Variants in RAB11FIP3 observed in about 807,000 individuals in gnomAD.
RAB11FIP3 encodes the protein RAB11 family interacting protein 3.
RAB11FIP3 carries 17 observed loss-of-function variants against 77.8 expected under a neutral mutation model. The ratio of observed to expected loss-of-function variants is 0.22; its 90% CI spans 0.15 to 0.33. The LOEUF is 0.33. RAB11FIP3 is among the 10% of genes least tolerant of loss of function. The probability of loss-of-function intolerance (pLI) is 1.00; values close to 1 mark genes in which losing one functional copy is unlikely to be tolerated. For synonymous variants in RAB11FIP3, 437 were observed against 448.2 expected, an observed-to-expected ratio of 0.98 and a Z score of 0.31; for missense variants, 1,005 against 1,011.2, an observed-to-expected ratio of 0.99 and a Z score of 0.08.
At chr16:492,440 GGCCGCCCAGGGC>G (rs1282098824) in intron 5 of RAB11FIP3, among the ~76,000 whole-genome samples, 17 of 142,516 alleles carry the variant, frequency 1.2e-4, no homozygotes, top group African/African-American at 4.4e-4. Context: ...GGAGACCCGA[GGCCGCCCAGGGC>G]CCTTCCCGGG....
intron 6 of RAB11FIP3, among the ~76,000 whole-genome samples, chr16:499,199 C>G (rs564379104): frequency 6.6e-6 from 1 of 152,078 alleles, no homozygotes; most frequent in Non-Finnish European, 1.5e-5. Context: ...GCAACAAGAG[C>G]GAGACTCCAT....
intron 1 of RAB11FIP3, chr16:439,497 C>CT (rs1289576236): frequency 6.6e-6 from 1 of 152,222 alleles, no homozygotes; most frequent in African/African-American, 2.4e-5. Flanking sequence ...AGCCAGTGTC[C>CT]TGTGTGTGCC....
At chr16:477,745 A>G (rs2055948065) in intron 3 of RAB11FIP3, 1 of 863,288 alleles carries the variant, frequency 1.2e-6, no homozygotes, top group South Asian at 5.3e-5. Flanking sequence ...CTTAGTTTTT[A>G]TGAATTACTT....
intron 3 of RAB11FIP3, among the ~76,000 whole-genome samples, chr16:473,531 G>A (rs1449933444): frequency 6.6e-6 from 1 of 152,104 alleles, no homozygotes; most frequent in Admixed American, 6.6e-5. Context: ...CGCCTCCTGC[G>A]CTCAAGTGTT....
At chr16:508,747 C>T (rs1022042105) in intron 8 of RAB11FIP3, among the ~76,000 whole-genome samples, 4 of 152,200 alleles carry the variant, frequency 2.6e-5, no homozygotes, top group African/African-American at 7.2e-5. Context: ...TTTCACCATG[C>T]GGCCTCTCCC....
At chr16:443,723 G>A (rs1220838148) in intron 1 of RAB11FIP3, among the ~76,000 whole-genome samples, 6 of 152,068 alleles carry the variant, frequency 3.9e-5, no homozygotes, top group Non-Finnish European at 7.4e-5. Flanking sequence ...CCGCTACCAC[G>A]CCCGGCTAAT....
chr16:492,390 C>G (rs527661024), intron 5 of RAB11FIP3, among the ~76,000 whole-genome samples: 4 of 137,350 alleles, frequency 2.9e-5, no homozygotes, highest in African/African-American at 1.2e-4. Context: ...CCGCCCAGAG[C>G]CCTCCCCGGG....
chr16:489,045 G>A (rs748599640), intron 5 of RAB11FIP3, 45 bp downstream of exon 5: 16 of 1,579,308 alleles, frequency 1.0e-5, no homozygotes, highest in Middle Eastern at 1.7e-4. Context: ...TCTTCTTCCC[G>A]TGGTTAGTAG....
intron 9 of RAB11FIP3, among the ~76,000 whole-genome samples, chr16:516,924 G>A (rs946088708): frequency 1.3e-5 from 2 of 152,162 alleles, no homozygotes; most frequent in Admixed American, 6.5e-5. Flanking sequence ...CATAATGTCC[G>A]CAGACACTCC....
At chr16:428,572 G>A (rs1177655035) in intron 1 of RAB11FIP3, among the ~76,000 whole-genome samples, 1 of 152,084 alleles carries the variant, frequency 6.6e-6, no homozygotes, top group Non-Finnish European at 1.5e-5. Flanking sequence ...TGAGATAGTA[G>A]GTAAGCAGGA....
intron 1 of RAB11FIP3, among the ~76,000 whole-genome samples, chr16:438,855 AATTTTTGT>A (rs1183165209): frequency 6.6e-6 from 1 of 151,970 alleles, no homozygotes; most frequent in Non-Finnish European, 1.5e-5. Context: ...ACGCCCAGCT[AATTTTTGT>A]ATTTTTAGCA....
Position 488,927 on chromosome 16 carries a change from G to C in RAB11FIP3, c.1192G>C (p.Glu398Gln), listed in dbSNP as rs369419129. The C allele has an allele frequency of 2.5e-6, 4 of 1,614,120 alleles. No individual in the cohort carries two copies. Among genetic ancestry groups the C allele is most frequent in the South Asian group, 1.1e-5 (1 of 91,076 alleles). ...CTTTGAGGACTACGGTGAAGGCAGTGAGGCGGAGCTGTCCCCAGAGACCCT... is the reference window on the plus strand; with the variant it reads ...CTTTGAGGACTACGGTGAAGGCAGTCAGGCGGAGCTGTCCCCAGAGACCCT... ...EHFEDYGEGS[E>Q]AELSPETLCN... Residue 398 changes from glutamate to glutamine, a missense_variant, in exon 5 of 14, where the codon GAG becomes CAG. Physicochemically the swap from Glu to Gln is conservative, Grantham distance 29. This residue lies in a region of RAB11FIP3 where 433 missense variants were observed against 436.1 expected (regional missense o/e 0.99). Transcript: ENST00000262305.
intron 8 of RAB11FIP3, among the ~76,000 whole-genome samples, chr16:510,112 G>A (rs1199738900): frequency 6.9e-6 from 1 of 145,002 alleles, no homozygotes; most frequent in Non-Finnish European, 1.5e-5. Flanking sequence ...CCGAGTCCCC[G>A]TGCCTCTGGG....
intron 1 of RAB11FIP3, among the ~76,000 whole-genome samples, chr16:457,624 A>C (rs1284008461): frequency 6.6e-6 from 1 of 152,140 alleles, no homozygotes; most frequent in Non-Finnish European, 1.5e-5. Context: ...TTATAAAGAA[A>C]ATATAATTAA....
At chr16:483,003 T>C (rs1262703140) in intron 4 of RAB11FIP3, among the ~76,000 whole-genome samples, 1 of 152,156 alleles carries the variant, frequency 6.6e-6, no homozygotes, top group South Asian at 2.1e-4. Context: ...TCTTTAGCTG[T>C]AGAGATAGAA....
chr16:470,495 A>G (rs961613944), intron 2 of RAB11FIP3, among the ~76,000 whole-genome samples: 3 of 152,252 alleles, frequency 2.0e-5, no homozygotes, highest in African/African-American at 7.2e-5. Context: ...GGTATTAAGT[A>G]ATGCTATTTT....
chr16:430,694 A>G (rs1356238708), intron 1 of RAB11FIP3, among the ~76,000 whole-genome samples: 1 of 152,126 alleles, frequency 6.6e-6, no homozygotes, highest in East Asian at 1.9e-4. Context: ...AGCTGGGACT[A>G]TAGGCAGGCA....
chr16:479,841 C>T (rs577451011), intron 3 of RAB11FIP3, among the ~76,000 whole-genome samples: 1 of 151,972 alleles, frequency 6.6e-6, no homozygotes, highest in African/African-American at 2.4e-5. Flanking sequence ...TCACTTGAGC[C>T]CAGGAGATCA....
chr16:471,459 G>C lies in RAB11FIP3; in HGVS notation c.903+70G>C, dbSNP rs116017570. The C allele has an allele frequency of 7.7e-7, 1 of 1,300,436 alleles. No individual in the cohort carries two copies. The highest frequency in any genetic ancestry group is 1.3e-5 in the South Asian group (1 of 79,670). 80.6% of individuals were successfully genotyped at this position (1,300,436 alleles called of 1,614,324 possible). A position where few individuals can be genotyped will look rare whatever the true frequency, so the allele number is the denominator to read the frequency against. ...CCTCTTCCTTTATGCCCTACAGCTCGTGCCTCCTGCCTCCGGGCTGTCTTC... is the reference window on the plus strand; with the variant it reads ...CCTCTTCCTTTATGCCCTACAGCTCCTGCCTCCTGCCTCCGGGCTGTCTTC... On this transcript the variant is annotated intron_variant, in intron 3 of 13. Coordinates refer to ENST00000262305, the MANE Select transcript of RAB11FIP3 (RefSeq NM_014700.4). The surrounding 1 kb of genome is among the most constrained non-coding windows in gnomAD (Gnocchi z 4.4).
Sources: allele counts gnomAD v4.1 joint callset (sites outside exome capture counted in the v4.1 genomes callset), GRCh38; gene constraint gnomAD v4.1.1; regional missense constraint gnomAD v4.1.1; non-coding constraint Gnocchi (gnomAD v3.1); transcripts MANE v1.5; gene names NCBI Gene and HGNC (gene_info 2026-07-23, HGNC 2026-07-21).